The following ANXA3 variants were observed in gnomAD, a reference collection of about 807,000 sequenced individuals.
ANXA3 encodes the protein annexin A3.
In ANXA3, 46 loss-of-function variants were observed where a neutral mutation model predicts 48.8. The ratio of observed to expected loss-of-function variants is 0.94; its 90% confidence interval spans 0.74 to 1.21. The LOEUF is 1.21. ANXA3 is among the 50% of genes most tolerant of loss of function. The probability of loss-of-function intolerance (pLI) is 0.00; values close to 1 mark genes in which losing one functional copy is unlikely to be tolerated. For synonymous variants in ANXA3, 128 were observed against 134.7 expected (o/e 0.95, Z 0.35); for missense variants, 383 against 378.6 (o/e 1.01, Z -0.10).
chr4:78,577,345 T>C (rs556295806), intron 3 of ANXA3, among the ~76,000 whole-genome samples: 4 of 152,138 alleles, frequency 2.6e-5, no homozygotes, highest in Non-Finnish European at 5.9e-5. Flanking sequence ...ACTATATCCA[T>C]AGTTGTGGAT....
chr4:78,608,170 C>A (rs992890465), intron 12 of ANXA3, among the ~76,000 whole-genome samples: 2 of 152,098 alleles, frequency 1.3e-5, no homozygotes, highest in Non-Finnish European at 2.9e-5. Flanking sequence ...TATGGAATTA[C>A]AACTATGTTA....
At chr4:78,601,613 C>G (rs749235486) in intron 11 of ANXA3, 45 bp downstream of exon 11, 59 of 1,523,596 alleles carry the variant, frequency 3.9e-5, no homozygotes, top group Non-Finnish European at 5.1e-5. Flanking sequence ...CCCTTAATTC[C>G]CTTGGGAAAG....
chr4:78,605,694 C>T (rs1453364944), intron 12 of ANXA3, among the ~76,000 whole-genome samples: 1 of 152,162 alleles, frequency 6.6e-6, no homozygotes, highest in Non-Finnish European at 1.5e-5. Flanking sequence ...CTAAAATGGG[C>T]TCCTTCCTTT....
intron 1 of ANXA3, among the ~76,000 whole-genome samples, chr4:78,553,039 T>C (rs967690849): frequency 6.6e-6 from 1 of 152,228 alleles, no homozygotes; most frequent in African/African-American, 2.4e-5. Flanking sequence ...AAAAGTTAAA[T>C]GATAGATTAG....
intron 7 of ANXA3, among the ~76,000 whole-genome samples, chr4:78,591,937 A>T (rs1040227114): frequency 2.0e-5 from 3 of 152,220 alleles, no homozygotes; most frequent in Non-Finnish European, 4.4e-5. Flanking sequence ...TATTTCCATT[A>T]TAAGTGTCTC....
chr4:78,562,590 A>G (rs1204389210), intron 2 of ANXA3, among the ~76,000 whole-genome samples: 2 of 152,244 alleles, frequency 1.3e-5, no homozygotes, highest in East Asian at 3.8e-4. Context: ...TATTCACTCA[A>G]CTAATATTTA....
At chr4:78,555,927 G>A (rs1217833958) in intron 2 of ANXA3, among the ~76,000 whole-genome samples, 1 of 151,506 alleles carries the variant, frequency 6.6e-6, no homozygotes, top group Non-Finnish European at 1.5e-5. Flanking sequence ...TTCTACTTAA[G>A]AGATTGGTGA....
chr4:78,595,341 A>C (rs150363744), intron 7 of ANXA3, 40 bp from the exon 8 acceptor site: 1 of 1,608,172 alleles, frequency 6.2e-7, no homozygotes, highest in Non-Finnish European at 8.5e-7. Flanking sequence ...AGAATCTTCT[A>C]TCTTTAAAGG....
chr4:78,592,292 C>T (rs1456961579), intron 7 of ANXA3, among the ~76,000 whole-genome samples: 2 of 152,194 alleles, frequency 1.3e-5, no homozygotes, highest in Non-Finnish European at 2.9e-5. Flanking sequence ...AACCATAGCT[C>T]ACCAATTTTC....
At chr4:78,558,877 C>T (rs914320727) in intron 2 of ANXA3, among the ~76,000 whole-genome samples, 1 of 152,118 alleles carries the variant, frequency 6.6e-6, no homozygotes, top group Non-Finnish European at 1.5e-5. Flanking sequence ...TGTCTTAGAA[C>T]GTGACTTTTT....
intron 3 of ANXA3, among the ~76,000 whole-genome samples, chr4:78,575,390 G>A (rs565760352): frequency 6.6e-6 from 1 of 152,100 alleles, no homozygotes; most frequent in African/African-American, 2.4e-5. Context: ...ATTCCCACGT[G>A]TTGTGGGAGG....
chr4:78,553,952 G>C (rs1355010254), intron 1 of ANXA3: 1 of 155,042 alleles, frequency 6.4e-6, no homozygotes, highest in Non-Finnish European at 1.4e-5. Flanking sequence ...CTTTATAACA[G>C]ACTGTAGGCT....
intron 5 of ANXA3, 72 bp from the exon 6 acceptor site, chr4:78,586,188 A>T: frequency 8.5e-7 from 1 of 1,182,538 alleles, no homozygotes; most frequent in East Asian, 2.4e-5. Flanking sequence ...TATAAACAAG[A>T]TAATAAGACC....
chr4:78,567,942 C>T (rs1031069417), intron 2 of ANXA3, among the ~76,000 whole-genome samples: 1 of 152,178 alleles, frequency 6.6e-6, no homozygotes, highest in African/African-American at 2.4e-5. Flanking sequence ...ACTGGCAGCT[C>T]GCAGCTGCGT....
intron 3 of ANXA3, among the ~76,000 whole-genome samples, chr4:78,574,395 C>G (rs6833945): frequency 9.3e-4 from 141 of 152,176 alleles, no homozygotes; most frequent in African/African-American, 3.1e-3. Context: ...ACTCCAGCCT[C>G]GATGACAGAG....
chr4:78,584,523 T>G (rs1723133713), intron 5 of ANXA3, among the ~76,000 whole-genome samples: 1 of 152,132 alleles, frequency 6.6e-6, no homozygotes, highest in Admixed American at 6.6e-5. Context: ...TTCATCTAAC[T>G]AAAAGGCAAA....
intron 2 of ANXA3, chr4:78,571,018 C>CTTTCTTTCT (rs112621376): frequency 1.8e-4 from 27 of 150,960 alleles, no homozygotes; most frequent in African/African-American, 6.3e-4. Context: ...TTCTTTCTTT[C>CTTTCTTTCT]TTTTTTTTTG....
intron 6 of ANXA3, among the ~76,000 whole-genome samples, chr4:78,589,681 CTT>C (rs1723250728): frequency 6.6e-6 from 1 of 152,074 alleles, no homozygotes; most frequent in Non-Finnish European, 1.5e-5. Context: ...TTCCAGGAGT[CTT>C]TTGGTTCTTT....
chr4:78,566,774 T>C (rs979108302), intron 2 of ANXA3, among the ~76,000 whole-genome samples: 2 of 152,176 alleles, frequency 1.3e-5, no homozygotes, highest in African/African-American at 4.8e-5. Flanking sequence ...CCATGCACCA[T>C]CTGCATGTAA....
Sources: allele counts gnomAD v4.1 joint callset (sites outside exome capture counted in the v4.1 genomes callset), GRCh38; gene constraint gnomAD v4.1.1; transcripts MANE v1.5; gene names NCBI Gene and HGNC (gene_info 2026-07-23, HGNC 2026-07-21).